PHEX: variants seen among roughly 807,000 people sequenced by gnomAD.
PHEX encodes the protein phosphate-regulating neutral endopeptidase PHEX.
Under a neutral mutation model 68.0 loss-of-function variants are expected in PHEX, and 16 were observed. That is an observed-to-expected ratio of 0.24 (90% CI 0.16 to 0.36). PHEX has a LOEUF of 0.36. Among genes scored for constraint, PHEX ranks in the 10% least tolerant of loss-of-function variants. The probability of loss-of-function intolerance (pLI) is 1.00; values close to 1 mark genes in which losing one functional copy is unlikely to be tolerated. For missense variants in PHEX, 480 were observed against 575.5 expected, an observed-to-expected ratio of 0.83 and a Z score of 1.70; for synonymous variants, 208 against 205.1, an observed-to-expected ratio of 1.01 and a Z score of -0.12.
At chrX:22,214,026 T>A (rs1217773045) in intron 16 of PHEX, among the ~76,000 whole-genome samples, 1 of 112,004 alleles carries the variant, frequency 8.9e-6, no homozygotes, top group Non-Finnish European at 1.9e-5. Flanking sequence ...CCAAAATGAA[T>A]TACTACAAAC....
intron 2 of PHEX, among the ~76,000 whole-genome samples, chrX:22,040,483 A>G (rs1927222967): frequency 8.9e-6 from 1 of 111,822 alleles, no homozygotes; most frequent in African/African-American, 3.3e-5. Flanking sequence ...AGAAAGAGGA[A>G]TATCAGTCAG....
At chrX:22,098,138 A>G (rs1208543372) in intron 8 of PHEX, 2 of 101,751 alleles carry the variant, frequency 2.0e-5, no homozygotes, top group African/African-American at 3.9e-5. Context: ...GAGACAAATT[A>G]TGTACTGGGG....
intron 15 of PHEX, among the ~76,000 whole-genome samples, chrX:22,207,591 A>C (rs1934750708): frequency 9.0e-6 from 1 of 111,418 alleles, no homozygotes; most frequent in African/African-American, 3.3e-5. Flanking sequence ...ATTTCCATGA[A>C]AAAAATAAGA....
At chrX:22,146,021 G>C (rs1201937807) in intron 12 of PHEX, among the ~76,000 whole-genome samples, 1 of 112,344 alleles carries the variant, frequency 8.9e-6, no homozygotes, top group Non-Finnish European at 1.9e-5. Context: ...CTGAAGCTCA[G>C]ATTGTCCCAT....
chrX:22,153,298 T>G lies in PHEX; in HGVS notation c.1405-15014T>G, dbSNP rs1932888154. Among the ~76,000 whole-genome samples the G allele has an allele frequency of 5.3e-5, 6 of 112,310 alleles. No individual in the cohort carries two copies. In the South Asian group the frequency reaches 2.2e-3, roughly 41 times the overall value. The stretch of plus-strand genomic sequence containing the variant: ...CGTACCTGGCCCTAAGTGGTTAATC[T>G]TAATCACCATGTGACCAAGACCAAA... On this transcript the variant is annotated intron_variant, in intron 12 of 21. Coordinates refer to ENST00000379374, the MANE Select transcript of PHEX (RefSeq NM_000444.6).
At chrX:22,058,259 C>T (rs759334540) in intron 3 of PHEX, among the ~76,000 whole-genome samples, 6 of 111,977 alleles carry the variant, frequency 5.4e-5, no homozygotes, top group East Asian at 2.8e-4. Context: ...TCTGAGCCTC[C>T]GTTTCTTATC....
At chrX:22,202,641 C>T (rs886254456) in intron 15 of PHEX, among the ~76,000 whole-genome samples, 2 of 111,507 alleles carry the variant, frequency 1.8e-5, no homozygotes, top group African/African-American at 6.5e-5. Context: ...TATTGCATAA[C>T]CAGATATGGT....
intron 3 of PHEX, among the ~76,000 whole-genome samples, chrX:22,052,425 G>T (rs901332607): frequency 1.8e-5 from 2 of 111,036 alleles, no homozygotes; most frequent in African/African-American, 6.5e-5. Context: ...ACAGGGTTTC[G>T]CCATGTTTGC....
intron 12 of PHEX, chrX:22,162,816 G>A (rs947965237): frequency 2.7e-5 from 3 of 111,505 alleles, no homozygotes; most frequent in African/African-American, 9.8e-5. Flanking sequence ...GCCTTCGAAT[G>A]CCATCAGCTT....
intron 11 of PHEX, among the ~76,000 whole-genome samples, chrX:22,116,077 G>A (rs1177392575): frequency 8.9e-6 from 1 of 111,892 alleles, no homozygotes; most frequent in Non-Finnish European, 1.9e-5. Flanking sequence ...CTTACCAACA[G>A]TATATGAGCG....
chrX:22,234,419 AT>A (rs1935888061), intron 20 of PHEX, among the ~76,000 whole-genome samples: 1 of 110,704 alleles, frequency 9.0e-6, no homozygotes, highest in Non-Finnish European at 1.9e-5. Context: ...AGTTTTATCT[AT>A]AATTCCCTGA....
chrX:22,209,501 G>GT (rs758564770), intron 15 of PHEX, among the ~76,000 whole-genome samples: 3,245 of 100,500 alleles, frequency 0.032, 116 homozygotes, highest in African/African-American at 0.098. Flanking sequence ...ATAGTTACTC[G>GT]TTTTTTTTTT....
chrX:22,047,042 C>T lies in PHEX; in HGVS notation c.188-8C>T. 1 of 1,200,417 alleles carries T rather than the reference C, an allele frequency of 8.3e-7. No homozygotes were observed. Among genetic ancestry groups the T allele is most frequent in the Non-Finnish European group, 1.1e-6 (1 of 885,187 alleles). On this transcript the variant is annotated splice_polypyrimidine_tract_variant and splice_region_variant and intron_variant, in intron 2 of 21. Coordinates refer to ENST00000379374, the MANE Select transcript of PHEX (RefSeq NM_000444.6). ...TGTCATTAATCCTATGATTTTCTTT[C>T]TAAATAGCTGCTGCCATCTTAAGTA... is the stretch of plus-strand genomic sequence containing the variant.
intron 15 of PHEX, among the ~76,000 whole-genome samples, chrX:22,197,116 G>A (rs191757255): frequency 1.9e-4 from 21 of 111,868 alleles, no homozygotes; most frequent in African/African-American, 6.8e-4. Flanking sequence ...TAGAATTTGG[G>A]AATAGTCTTC....
chrX:22,146,619 C>A (rs1932706540), intron 12 of PHEX, among the ~76,000 whole-genome samples: 1 of 110,543 alleles, frequency 9.0e-6, no homozygotes, highest in African/African-American at 3.3e-5. Context: ...AAGTTTGAGA[C>A]CAGCCTGGCC....
At chrX:22,110,013 C>T (rs1017327152) in intron 9 of PHEX, among the ~76,000 whole-genome samples, 2 of 111,561 alleles carry the variant, frequency 1.8e-5, no homozygotes, top group East Asian at 2.8e-4. Context: ...AGTGACTTGT[C>T]GAAACTCACA....
chrX:22,145,247 C>T (rs1932639926), intron 12 of PHEX, among the ~76,000 whole-genome samples: 1 of 112,004 alleles, frequency 8.9e-6, no homozygotes, highest in South Asian at 3.7e-4. Flanking sequence ...TTTTAAAAAT[C>T]CTGAGGCTCA....
At chrX:22,067,316 TA>T (rs1005546233) in intron 3 of PHEX, among the ~76,000 whole-genome samples, 3 of 111,275 alleles carry the variant, frequency 2.7e-5, no homozygotes, top group African/African-American at 9.8e-5. Context: ...GGCATAGTGC[TA>T]ATATTTTTTT....
intron 12 of PHEX, among the ~76,000 whole-genome samples, chrX:22,134,707 C>T (rs1911384871): frequency 8.9e-6 from 1 of 112,575 alleles, no homozygotes; most frequent in Admixed American, 9.4e-5. Flanking sequence ...TTCTCTGCAG[C>T]TGAGCATTTC....
Sources: gnomAD v4.1 joint callset for allele counts (sites outside exome capture counted in the v4.1 genomes callset) on GRCh38, gnomAD v4.1.1 for gene constraint, MANE v1.5 for transcripts, NCBI Gene and HGNC (gene_info 2026-07-23, HGNC 2026-07-21) for gene names.